ROBO2: variants seen among roughly 807,000 people sequenced by gnomAD.
ROBO2 encodes roundabout guidance receptor 2, also known as roundabout homolog 2.
A neutral mutation model predicts 160.8 loss-of-function variants in ROBO2; 53 were observed. The ratio of observed to expected loss-of-function variants is 0.33; its 90% confidence interval spans 0.26 to 0.41. The LOEUF is 0.41. ROBO2 is among the 10% of genes least tolerant of loss of function. ROBO2 has a pLI of 1.00. For synonymous variants in ROBO2, 664 were observed against 611.7 expected (o/e 1.09, Z -1.26); for missense variants, 1,577 against 1,722.4 (o/e 0.92, Z 1.49).
intron 2 of ROBO2, among the ~76,000 whole-genome samples, chr3:76,079,245 A>G (rs2068738923): frequency 6.6e-6 from 1 of 152,160 alleles, no homozygotes; most frequent in Non-Finnish European, 1.5e-5. Flanking sequence ...CAATAAGGTA[A>G]CCATAGGTAA....
At chr3:76,716,858 A>G (rs1450049493) in intron 2 of ROBO2, among the ~76,000 whole-genome samples, 2 of 152,176 alleles carry the variant, frequency 1.3e-5, no homozygotes, top group Non-Finnish European at 2.9e-5. Context: ...TGACTCTAGC[A>G]AATCCTTTTG....
chr3:77,537,887 C>T (rs1399686370), intron 6 of ROBO2, among the ~76,000 whole-genome samples: 2 of 152,062 alleles, frequency 1.3e-5, no homozygotes, highest in Non-Finnish European at 2.9e-5. Context: ...AAAGACCCTG[C>T]CCCGTGATTC....
At chr3:76,290,785 G>T (rs550401152) in intron 2 of ROBO2, among the ~76,000 whole-genome samples, 36 of 152,148 alleles carry the variant, frequency 2.4e-4, no homozygotes, top group African/African-American at 8.7e-4. Flanking sequence ...TGATCATGTA[G>T]TTTTTATTTT....
rs184463143 is a variant in ROBO2, at chr3:76,759,596, T to G, written c.110-338418T>G. The stretch of plus-strand genomic sequence containing the variant: ...TATTCATTAACTTGATGCAGAAACA[T>G]GAAAGGGATCAAGTATTTGACCAAA... On this transcript the variant is annotated intron_variant, in intron 2 of 26. Coordinates refer to the ROBO2 transcript ENST00000487694. 2.0e-5 allele frequency among the ~76,000 whole-genome samples: 3 copies of G among 151,790 alleles called. No homozygotes were observed. In the South Asian group the frequency reaches 6.2e-4, roughly 32 times the overall value.
chr3:77,347,589 T>C (rs143893455), intron 2 of ROBO2, among the ~76,000 whole-genome samples: 7 of 152,190 alleles, frequency 4.6e-5, no homozygotes. Flanking sequence ...AAAATTCAGC[T>C]CCTTTTCCCC....
At chr3:76,066,684 CAGTT>C (rs1456885424) in intron 2 of ROBO2, among the ~76,000 whole-genome samples, 3 of 151,874 alleles carry the variant, frequency 2.0e-5, no homozygotes, top group African/African-American at 4.8e-5. Context: ...GGAATGCAAT[CAGTT>C]AGACTGACAA....
At chr3:76,756,777 A>G (rs7653813) in intron 2 of ROBO2, among the ~76,000 whole-genome samples, 44,251 of 151,754 alleles carry the variant, frequency 0.29, 7,786 homozygotes, top group African/African-American at 0.49. Flanking sequence ...TTACGAGCAA[A>G]TCTGTCTACA....
At chr3:76,852,288 G>A (rs1377886415) in intron 2 of ROBO2, among the ~76,000 whole-genome samples, 1 of 152,178 alleles carries the variant, frequency 6.6e-6, no homozygotes, top group African/African-American at 2.4e-5. Context: ...GGACTTTAGA[G>A]CTTGGCATAT....
chr3:76,386,343 C>G (rs1430984489), intron 2 of ROBO2, among the ~76,000 whole-genome samples: 1 of 125,566 alleles, frequency 8.0e-6, no homozygotes, highest in African/African-American at 3.1e-5. Context: ...CCCTCCCTCC[C>G]TCCCTCCCTC....
intron 2 of ROBO2, among the ~76,000 whole-genome samples, chr3:76,942,159 G>C (rs1215907297): frequency 6.6e-6 from 1 of 152,084 alleles, no homozygotes; most frequent in East Asian, 1.9e-4. Context: ...CTTAGAAATG[G>C]GAGATTTAAA....
At chr3:76,599,192 A>G (rs75479865) in intron 2 of ROBO2, among the ~76,000 whole-genome samples, 3,544 of 152,194 alleles carry the variant, frequency 0.023, 152 homozygotes, top group African/African-American at 0.08. Flanking sequence ...CTATTACCCA[A>G]TGGATATTTG....
chr3:76,564,266 A>G (rs1157714538), intron 2 of ROBO2, among the ~76,000 whole-genome samples: 2 of 152,202 alleles, frequency 1.3e-5, no homozygotes, highest in Admixed American at 6.5e-5. Flanking sequence ...ACAGTTTCCA[A>G]AGCAACTTTT....
chr3:76,984,900 T>C (rs888235516), intron 2 of ROBO2, among the ~76,000 whole-genome samples: 6 of 152,120 alleles, frequency 3.9e-5, no homozygotes, highest in African/African-American at 1.4e-4. Flanking sequence ...ATATATAGCA[T>C]ATATAGGTTG....
chr3:76,814,964 T>G (rs145029269), intron 2 of ROBO2, among the ~76,000 whole-genome samples: 1 of 152,054 alleles, frequency 6.6e-6, no homozygotes. Flanking sequence ...AAGCAATTCA[T>G]GCATCCAAGG....
At chr3:77,021,606 C>A (rs1020116341) in intron 2 of ROBO2, among the ~76,000 whole-genome samples, 1 of 139,996 alleles carries the variant, frequency 7.1e-6, no homozygotes, top group South Asian at 2.2e-4. Flanking sequence ...AAAATCTGAA[C>A]AAATGTATCT....
At chr3:76,382,898 G>T (rs536885681) in intron 2 of ROBO2, among the ~76,000 whole-genome samples, 1 of 152,112 alleles carries the variant, frequency 6.6e-6, no homozygotes, top group African/African-American at 2.4e-5. Context: ...AGACTTAGAG[G>T]TTATAAGGAA....
At chr3:76,787,756 A>G (rs2063087248) in intron 2 of ROBO2, among the ~76,000 whole-genome samples, 1 of 151,514 alleles carries the variant, frequency 6.6e-6, no homozygotes, top group Admixed American at 6.6e-5. Context: ...TAAAAGACCA[A>G]AATATCAACA....
chr3:77,487,931 A>G (rs1582389579), intron 4 of ROBO2, among the ~76,000 whole-genome samples: 1 of 152,194 alleles, frequency 6.6e-6, no homozygotes, highest in East Asian at 1.9e-4. Context: ...GACTGAATAC[A>G]GTTAAAAAGA....
chr3:76,664,091 A>G (rs1252864653), intron 2 of ROBO2, among the ~76,000 whole-genome samples: 1 of 152,166 alleles, frequency 6.6e-6, no homozygotes, highest in Non-Finnish European at 1.5e-5. Context: ...CTATTTCCCT[A>G]TGGGGAAGTC....
Sources: gnomAD v4.1 joint callset for allele counts (sites outside exome capture counted in the v4.1 genomes callset) on GRCh38, gnomAD v4.1.1 for gene constraint, MANE v1.5 for transcripts, NCBI Gene and HGNC (gene_info 2026-07-23, HGNC 2026-07-21) for gene names.